ASTN2: variants seen among roughly 807,000 people sequenced by gnomAD.
ASTN2 encodes astrotactin 2, also known as astrotactin-2.
In ASTN2, 54 loss-of-function variants were observed where a neutral mutation model predicts 139.8. The observed-to-expected ratio is 0.39, with a 90% confidence interval of 0.31 to 0.48. ASTN2 has a LOEUF of 0.48. Among genes scored for constraint, ASTN2 ranks in the 20% least tolerant of loss-of-function variants. The pLI, the probability that ASTN2 is intolerant of heterozygous loss-of-function variation, is 0.95. For missense variants in ASTN2, 1,565 were observed against 1,725.1 expected (o/e 0.91, Z 1.64); for synonymous variants, 756 against 719.5 (o/e 1.05, Z -0.81).
At chr9:117,237,538 G>T (rs1252181109) in intron 2 of ASTN2, among the ~76,000 whole-genome samples, 2 of 152,236 alleles carry the variant, frequency 1.3e-5, no homozygotes, top group East Asian at 3.9e-4. Flanking sequence ...GGAGTGCAAT[G>T]GTGTGATCTC....
chr9:117,200,168 T>C (rs1277234475), intron 3 of ASTN2, among the ~76,000 whole-genome samples: 1 of 151,992 alleles, frequency 6.6e-6, no homozygotes, highest in Non-Finnish European at 1.5e-5. Flanking sequence ...GCCATGTTGG[T>C]GTGCTTCACC....
intron 19 of ASTN2, among the ~76,000 whole-genome samples, chr9:116,511,462 A>C (rs1850374524): frequency 6.6e-6 from 1 of 152,060 alleles, no homozygotes; most frequent in Admixed American, 6.6e-5. Context: ...GTCTAAAATT[A>C]TCATTTTTTG....
At chr9:116,958,663 G>A (rs761308623) in intron 10 of ASTN2, among the ~76,000 whole-genome samples, 5 of 152,162 alleles carry the variant, frequency 3.3e-5, no homozygotes, top group Non-Finnish European at 7.3e-5. Flanking sequence ...AGGCCAAAAG[G>A]ATGAGTAGGA....
intron 19 of ASTN2, among the ~76,000 whole-genome samples, chr9:116,530,116 T>TAATAGA (rs1564345685): frequency 4.9e-5 from 3 of 60,698 alleles, no homozygotes; most frequent in Non-Finnish European, 6.8e-5. Context: ...TATATATATA[T>TAATAGA]ATATATATAT....
chr9:116,563,786 G>C (rs1486366972), intron 19 of ASTN2, among the ~76,000 whole-genome samples: 2 of 152,152 alleles, frequency 1.3e-5, no homozygotes, highest in African/African-American at 2.4e-5. Flanking sequence ...AGAGCTGAGT[G>C]AATGGTGTCT....
intron 12 of ASTN2, 24 bp downstream of exon 12, chr9:116,820,593 T>A (rs3765537): frequency 6.8e-6 from 11 of 1,606,744 alleles, no homozygotes; most frequent in Admixed American, 3.4e-5. Context: ...ATGGGGCACC[T>A]GGGCCTTGGG....
intron 12 of ASTN2, among the ~76,000 whole-genome samples, chr9:116,811,493 T>C (rs1831166449): frequency 6.6e-6 from 1 of 152,232 alleles, no homozygotes; most frequent in Admixed American, 6.5e-5. Flanking sequence ...CAGTGTAGTT[T>C]GTATAATTTC....
intron 10 of ASTN2, among the ~76,000 whole-genome samples, chr9:116,882,771 G>C (rs1401009245): frequency 6.6e-6 from 1 of 151,842 alleles, no homozygotes; most frequent in East Asian, 1.9e-4. Flanking sequence ...AGGCTACAGT[G>C]AGCTATGATT....
intron 19 of ASTN2, among the ~76,000 whole-genome samples, chr9:116,604,177 T>C (rs905632659): frequency 6.6e-6 from 1 of 152,074 alleles, no homozygotes; most frequent in Non-Finnish European, 1.5e-5. Context: ...ACATAGACCA[T>C]AGTAACAGCT....
chr9:117,035,939 G>A (rs960401409), intron 6 of ASTN2, among the ~76,000 whole-genome samples: 1 of 152,028 alleles, frequency 6.6e-6, no homozygotes, highest in African/African-American at 2.4e-5. Context: ...ATATTTTCTT[G>A]CCTTGCCATA....
At chr9:117,079,400 T>C (rs896366398) in intron 5 of ASTN2, among the ~76,000 whole-genome samples, 1 of 152,096 alleles carries the variant, frequency 6.6e-6, no homozygotes, top group African/African-American at 2.4e-5. Flanking sequence ...CCAACCAGCA[T>C]GCCCAGTCTC....
At chr9:116,574,313 G>C (rs989280838) in intron 19 of ASTN2, among the ~76,000 whole-genome samples, 19 of 152,148 alleles carry the variant, frequency 1.2e-4, no homozygotes. Flanking sequence ...CCTTAAGTAA[G>C]AAGGAAAAAG....
intron 10 of ASTN2, among the ~76,000 whole-genome samples, chr9:116,961,459 A>T (rs552180767): frequency 6.6e-6 from 1 of 152,272 alleles, no homozygotes; most frequent in South Asian, 2.1e-4. Context: ...ATATAAGTGG[A>T]ATCATACAGT....
chr9:117,294,804 C>T (rs1318585014), intron 1 of ASTN2, among the ~76,000 whole-genome samples: 1 of 152,180 alleles, frequency 6.6e-6, no homozygotes, highest in African/African-American at 2.4e-5. Context: ...TCAAACAAGG[C>T]AGACTCCCAC....
chr9:117,264,807 G>T (rs965184150), intron 2 of ASTN2, among the ~76,000 whole-genome samples: 1 of 152,186 alleles, frequency 6.6e-6, no homozygotes, highest in Admixed American at 6.5e-5. Flanking sequence ...GGACCTGGTA[G>T]GTGGGAAGTA....
At chr9:116,647,201 C>T (rs1247496962) in intron 17 of ASTN2, among the ~76,000 whole-genome samples, 1 of 152,150 alleles carries the variant, frequency 6.6e-6, no homozygotes, top group Non-Finnish European at 1.5e-5. Flanking sequence ...CTTGACTCTA[C>T]TTATTAGTGT....
intron 19 of ASTN2, among the ~76,000 whole-genome samples, chr9:116,512,810 G>C (rs56090408): frequency 0.012 from 1,781 of 152,232 alleles, 15 homozygotes; most frequent in Non-Finnish European, 0.018. Flanking sequence ...TTTTATCAGA[G>C]TCTAGGATTG....
At chr9:116,870,025 T>A (rs1833119096) in intron 10 of ASTN2, among the ~76,000 whole-genome samples, 1 of 151,810 alleles carries the variant, frequency 6.6e-6, no homozygotes, top group South Asian at 2.1e-4. Context: ...GTAGGAGGAT[T>A]GCTTGAGCCT....
At chr9:116,688,686 T>C (rs898593689) in intron 16 of ASTN2, among the ~76,000 whole-genome samples, 7 of 152,168 alleles carry the variant, frequency 4.6e-5, no homozygotes, top group Non-Finnish European at 1.0e-4. Context: ...GAAGTGGAAC[T>C]ATTCAAGGTC....
Sources: gnomAD v4.1 joint callset for allele counts (sites outside exome capture counted in the v4.1 genomes callset) on GRCh38, gnomAD v4.1.1 for gene constraint, MANE v1.5 for transcripts, NCBI Gene and HGNC (gene_info 2026-07-23, HGNC 2026-07-21) for gene names.